CCDC141: variants seen among roughly 807,000 people sequenced by gnomAD.
The protein encoded by CCDC141 is coiled-coil domain-containing protein 141.
A neutral mutation model predicts 181.0 loss-of-function variants in CCDC141; 168 were observed. The ratio of observed to expected loss-of-function variants is 0.93; its 90% CI spans 0.82 to 1.05. The LOEUF (loss-of-function observed/expected upper bound fraction) is 1.05. Ranked by LOEUF, CCDC141 falls within the 50% of genes least tolerant of loss-of-function variation. CCDC141 has a pLI of 0.00. For missense variants in CCDC141, 1,902 were observed against 1,788.5 expected (o/e 1.06, Z -1.14); for synonymous variants, 666 against 642.3 (o/e 1.04, Z -0.56).
chr2:178,823,172 CATGATT>C, the CCDC141 span, among the ~76,000 whole-genome samples: 2 of 59,496 alleles, frequency 3.4e-5, no homozygotes, highest in African/African-American at 1.2e-4. Flanking sequence ...TATTAACCAC[CATGATT>C]ATTTTTTCTC....
the CCDC141 span, chr2:178,817,777 C>CCCTTCCTT: frequency 7.5e-6 from 2 of 267,038 alleles, no homozygotes; most frequent in Admixed American, 1.1e-4. Flanking sequence ...TCTCCCTCCT[C>CCCTTCCTT]CCTTCCTTCC....
At chr2:178,885,355 G>A (rs1686833073) in intron 10 of CCDC141, among the ~76,000 whole-genome samples, 1 of 151,954 alleles carries the variant, frequency 6.6e-6, no homozygotes. Flanking sequence ...ATAAAAGAAA[G>A]GTTGTTTGGT....
At chr2:178,992,178 T>G (rs1388060408) in intron 2 of CCDC141, among the ~76,000 whole-genome samples, 1 of 151,988 alleles carries the variant, frequency 6.6e-6, no homozygotes, top group African/African-American at 2.4e-5. Flanking sequence ...TGGGTAGACA[T>G]GTATTTTCAT....
intron 2 of CCDC141, among the ~76,000 whole-genome samples, chr2:179,029,802 A>T (rs2042953291): frequency 6.6e-6 from 1 of 152,158 alleles, no homozygotes; most frequent in Admixed American, 6.5e-5. Flanking sequence ...CCCTGTGCTT[A>T]ACTAACCCTT....
At chr2:178,885,238 A>AG in intron 10 of CCDC141, 146 bp from the exon 11 acceptor site, 1 of 477,772 alleles carries the variant, frequency 2.1e-6, no homozygotes, top group Non-Finnish European at 3.5e-6. Context: ...ACAACTTCCA[A>AG]AATTCTAAAA....
intron 22 of CCDC141, among the ~76,000 whole-genome samples, chr2:178,842,240 T>C (rs1684756941): frequency 6.6e-6 from 1 of 152,218 alleles, no homozygotes; most frequent in African/African-American, 2.4e-5. Flanking sequence ...GCTTTTCTTA[T>C]ATCAAATTGA....
At chr2:179,018,443 G>C (rs982010586) in intron 2 of CCDC141, among the ~76,000 whole-genome samples, 2 of 152,102 alleles carry the variant, frequency 1.3e-5, no homozygotes, top group Admixed American at 1.3e-4. Flanking sequence ...AAAACTTGGG[G>C]AACAGTAAAT....
At chr2:178,999,689 C>T (rs2041896041) in intron 2 of CCDC141, among the ~76,000 whole-genome samples, 1 of 152,016 alleles carries the variant, frequency 6.6e-6, no homozygotes, top group Non-Finnish European at 1.5e-5. Context: ...TTTGTGGTTC[C>T]CTGACACTCC....
intron 2 of CCDC141, among the ~76,000 whole-genome samples, chr2:179,004,509 T>C (rs928057402): frequency 3.9e-5 from 6 of 152,192 alleles, no homozygotes; most frequent in South Asian, 2.1e-4. Context: ...TTTGATAGAA[T>C]TGTATTTGAA....
chr2:178,886,907 T>G (rs1686913650), intron 9 of CCDC141, 36 bp from the exon 10 acceptor site: 4 of 1,290,394 alleles, frequency 3.1e-6, no homozygotes, highest in South Asian at 5.1e-5. Context: ...GTCTTAGTAA[T>G]ATATTTTTGC....
rs541825356 is a variant in CCDC141 at position 178,846,350 on chromosome 2, G to A, written c.3358-608C>T. ...GTACTGTGGAGTCAGTGCAAGAGCC[G>A]AGAAGACTTTGTAAAGGTGGAAAGA... is the stretch of plus-strand genomic sequence containing the variant. On this transcript the variant is annotated intron_variant, in intron 21 of 23. Transcript: ENST00000443758. Among the ~76,000 whole-genome samples the A allele has an allele frequency of 4.6e-5, 7 of 152,230 alleles. No homozygotes were observed. The South Asian group carries it at 6.2e-4, about 14-fold the overall frequency.
At chr2:178,921,542 T>G (rs1262068522) in intron 6 of CCDC141, among the ~76,000 whole-genome samples, 1 of 151,908 alleles carries the variant, frequency 6.6e-6, no homozygotes, top group Non-Finnish European at 1.5e-5. Context: ...GGTTTTTTTT[T>G]GTGGTTTTCG....
chr2:178,943,233 A>G (rs943293907), intron 6 of CCDC141, among the ~76,000 whole-genome samples: 4 of 152,230 alleles, frequency 2.6e-5, no homozygotes, highest in African/African-American at 9.6e-5. Flanking sequence ...ATATAATTCA[A>G]TGAAAAAAGT....
At chr2:178,872,526 C>A (rs1575154944) in intron 12 of CCDC141, among the ~76,000 whole-genome samples, 1 of 152,216 alleles carries the variant, frequency 6.6e-6, no homozygotes, top group African/African-American at 2.4e-5. Context: ...TTCTTCAAGA[C>A]CCAAGGGGTG....
chr2:178,944,000 G>A (rs1017254347), intron 6 of CCDC141, among the ~76,000 whole-genome samples: 3 of 152,112 alleles, frequency 2.0e-5, no homozygotes, highest in African/African-American at 2.4e-5. Flanking sequence ...ATTATATCTG[G>A]AAGTCATAAA....
At chr2:178,902,159 T>C (rs1282441043) in intron 8 of CCDC141, among the ~76,000 whole-genome samples, 1 of 152,064 alleles carries the variant, frequency 6.6e-6, no homozygotes, top group Non-Finnish European at 1.5e-5. Flanking sequence ...AGAATCAATA[T>C]CATGAAAATG....
intron 7 of CCDC141, among the ~76,000 whole-genome samples, chr2:178,918,161 A>G (rs1323812858): frequency 6.6e-6 from 1 of 151,942 alleles, no homozygotes; most frequent in Non-Finnish European, 1.5e-5. Context: ...TACAATTTCA[A>G]TATTTTGGGA....
intron 8 of CCDC141, among the ~76,000 whole-genome samples, chr2:178,903,622 G>A (rs1445667706): frequency 3.0e-5 from 3 of 101,298 alleles, no homozygotes; most frequent in African/African-American, 7.6e-5. Flanking sequence ...GGGGGGAGGG[G>A]GGAGGGATAG....
chr2:178,837,853 T>G (rs370814379), intron 22 of CCDC141, 109 bp from the exon 23 acceptor site: 3 of 1,233,976 alleles, frequency 2.4e-6, no homozygotes, highest in Non-Finnish European at 3.3e-6. Flanking sequence ...ACCTACAAGG[T>G]TAAAATTTAG....
Sources: allele counts gnomAD v4.1 joint callset (sites outside exome capture counted in the v4.1 genomes callset), GRCh38; gene constraint gnomAD v4.1.1; transcripts MANE v1.5; gene names NCBI Gene and HGNC (gene_info 2026-07-23, HGNC 2026-07-21).